The following ELL2 variants were observed in gnomAD, a reference collection of about 807,000 sequenced individuals.
ELL2 encodes the protein RNA polymerase II elongation factor ELL2.
A neutral mutation model predicts 72.8 loss-of-function variants in ELL2; 21 were observed. The observed-to-expected ratio is 0.29, with a 90% CI of 0.20 to 0.42. The LOEUF is 0.42. Ranked by LOEUF, ELL2 falls within the 10% of genes least tolerant of loss-of-function variation. ELL2 has a pLI of 1.00. For missense variants in ELL2, 568 were observed against 772.8 expected (o/e 0.73, Z 3.14); for synonymous variants, 266 against 283.2 (o/e 0.94, Z 0.61).
chr5:95,961,584 C>T lies in ELL2; in HGVS notation c.138G>A (p.Gln46=), dbSNP rs1249747564. The T allele has an allele frequency of 1.0e-5, 16 of 1,597,268 alleles. No homozygotes were observed. Among genetic ancestry groups the T allele is most frequent in the Non-Finnish European group, 1.4e-5 (16 of 1,173,410 alleles). Reference sequence around the variant, plus strand: ...CGGCCGGCCCGCTCACCTTGTGGCTCTGGTAAGTCTCGAGCGCCCGGATCG... The same window carrying T: ...CGGCCGGCCCGCTCACCTTGTGGCTTTGGTAAGTCTCGAGCGCCCGGATCG... ...ETAIRALETY[Q]SHKNLIPFRP... The change falls in exon 1 of 12, where the codon CAG becomes CAA. Residue 46 remains glutamine, a synonymous_variant. Coordinates refer to ENST00000237853, the MANE Select transcript of ELL2 (RefSeq NM_012081.6).
intron 2 of ELL2, among the ~76,000 whole-genome samples, chr5:95,935,308 T>C (rs976569695): frequency 6.6e-6 from 1 of 152,224 alleles, no homozygotes; most frequent in African/African-American, 2.4e-5. Context: ...TAAATGAATA[T>C]ACCACACTTA....
At chr5:95,946,980 T>C (rs1435786105) in intron 1 of ELL2, among the ~76,000 whole-genome samples, 1 of 152,186 alleles carries the variant, frequency 6.6e-6, no homozygotes, top group Non-Finnish European at 1.5e-5. Flanking sequence ...AATTTAAAAA[T>C]GTTAAACCTG....
rs755261158 is a variant in ELL2 at position 95,961,706 on chromosome 5, TC to T, written c.15del (p.Thr6GlnfsTer27). On this transcript the variant is annotated frameshift_variant, in exon 1 of 12. Transcript: ENST00000237853. LOFTEE classifies it high-confidence loss of function. ...CGCTGCTCCTCCCGCAGGCCCCCTG[TC>T]CCCCCCGCCGCCATCTTAAACTCCC... MAAG[G>X]TGGLREEQRY... is the part of the protein sequence containing the mutation. The T allele has an allele frequency of 1.1e-5, 17 of 1,589,624 alleles. No homozygotes were observed. The highest frequency in any genetic ancestry group is 9.3e-5 in the East Asian group (4 of 43,214).
chr5:95,910,795 G>C (rs1749560269), intron 4 of ELL2, among the ~76,000 whole-genome samples: 1 of 152,118 alleles, frequency 6.6e-6, no homozygotes, highest in Non-Finnish European at 1.5e-5. Flanking sequence ...TTGTCCTGCA[G>C]GTACCTCGAA....
intron 1 of ELL2, among the ~76,000 whole-genome samples, chr5:95,954,613 T>C (rs1751560193): frequency 7.6e-6 from 1 of 132,296 alleles, no homozygotes; most frequent in African/African-American, 3.0e-5. Flanking sequence ...TTTTTTTTTT[T>C]TGTATTTTAG....
At chr5:95,928,581 C>A (rs1464247653) in intron 2 of ELL2, among the ~76,000 whole-genome samples, 1 of 152,128 alleles carries the variant, frequency 6.6e-6, no homozygotes, top group Non-Finnish European at 1.5e-5. Flanking sequence ...TACTCCACAC[C>A]CCTCAACAAA....
At chr5:95,923,445 G>C (rs1419871269) in intron 2 of ELL2, among the ~76,000 whole-genome samples, 1 of 152,132 alleles carries the variant, frequency 6.6e-6, no homozygotes, top group Admixed American at 6.5e-5. Flanking sequence ...GGGTATATTT[G>C]AGCAGTACGC....
intron 4 of ELL2, among the ~76,000 whole-genome samples, chr5:95,910,700 C>T (rs911195703): frequency 5.3e-5 from 8 of 152,102 alleles, no homozygotes; most frequent in East Asian, 1.9e-4. Context: ...AGCTGTCAGC[C>T]GTCATCACGC....
intron 5 of ELL2, among the ~76,000 whole-genome samples, chr5:95,901,341 AT>A (rs1299029839): frequency 6.6e-6 from 1 of 152,194 alleles, no homozygotes; most frequent in Non-Finnish European, 1.5e-5. Context: ...ATAAGCCCAT[AT>A]TAGGAAAAAA....
intron 1 of ELL2, among the ~76,000 whole-genome samples, chr5:95,958,795 TAGAG>T (rs1751710639): frequency 6.6e-6 from 1 of 152,122 alleles, no homozygotes; most frequent in Non-Finnish European, 1.5e-5. Flanking sequence ...GCTGCCTCTG[TAGAG>T]ACCAACCAGA....
intron 2 of ELL2, among the ~76,000 whole-genome samples, chr5:95,922,931 G>T (rs1750145229): frequency 6.6e-6 from 1 of 152,222 alleles, no homozygotes; most frequent in African/African-American, 2.4e-5. Flanking sequence ...GAGGACATTT[G>T]GTCTGGGAGG....
chr5:95,907,059 T>C (rs935559730), intron 4 of ELL2, among the ~76,000 whole-genome samples: 10 of 152,080 alleles, frequency 6.6e-5, no homozygotes, highest in African/African-American at 2.2e-4. Flanking sequence ...TAATAACTAG[T>C]AACACAAACT....
intron 9 of ELL2, among the ~76,000 whole-genome samples, chr5:95,891,502 T>C (rs1251263597): frequency 6.6e-6 from 1 of 152,202 alleles, no homozygotes; most frequent in Admixed American, 6.5e-5. Context: ...GGTAAAGACA[T>C]GGTGGCAATG....
At chr5:95,945,482 A>G (rs1248680933) in intron 1 of ELL2, among the ~76,000 whole-genome samples, 4 of 152,132 alleles carry the variant, frequency 2.6e-5, no homozygotes, top group African/African-American at 9.7e-5. Flanking sequence ...CTTTTCTTCT[A>G]CTACCTTATG....
At chr5:95,927,028 GATTA>G (rs1257897471) in intron 2 of ELL2, among the ~76,000 whole-genome samples, 2 of 152,038 alleles carry the variant, frequency 1.3e-5, no homozygotes, top group Non-Finnish European at 2.9e-5. Flanking sequence ...AGATGACATG[GATTA>G]ATTGATTCTT....
intron 10 of ELL2, among the ~76,000 whole-genome samples, chr5:95,890,658 G>A (rs1748626279): frequency 6.6e-6 from 1 of 152,146 alleles, no homozygotes; most frequent in South Asian, 2.1e-4. Context: ...AAATCTCTGT[G>A]TATTAAGCCC....
At chr5:95,943,097 G>A (rs1352806748) in intron 1 of ELL2, 48 bp from the exon 2 acceptor site, 9 of 1,493,478 alleles carry the variant, frequency 6.0e-6, no homozygotes, top group East Asian at 2.3e-5. Flanking sequence ...TGGTTACTGT[G>A]ACATAGAACT....
intron 1 of ELL2, among the ~76,000 whole-genome samples, chr5:95,952,950 G>A (rs1429909769): frequency 6.6e-6 from 1 of 152,188 alleles, no homozygotes; most frequent in Non-Finnish European, 1.5e-5. Context: ...GGAAAATCAG[G>A]AAAGTGTTTC....
intron 1 of ELL2, among the ~76,000 whole-genome samples, chr5:95,956,871 AAT>A (rs1256677844): frequency 6.6e-6 from 1 of 152,260 alleles, no homozygotes; most frequent in Non-Finnish European, 1.5e-5. Flanking sequence ...ATTAAATGGC[AAT>A]ATATATGTAC....
Sources: allele counts gnomAD v4.1 joint callset (sites outside exome capture counted in the v4.1 genomes callset), GRCh38; gene constraint gnomAD v4.1.1; transcripts MANE v1.5; gene names NCBI Gene and HGNC (gene_info 2026-07-23, HGNC 2026-07-21).